Variants in KIF3B observed in about 807,000 individuals in gnomAD.
KIF3B encodes the protein kinesin family member 3B, also known as kinesin-like protein KIF3B.
KIF3B carries 38 observed loss-of-function variants against 74.3 expected under a neutral mutation model. The ratio of observed to expected loss-of-function variants is 0.51; its 90% CI spans 0.39 to 0.67. The LOEUF is 0.67. KIF3B is among the 30% of genes least tolerant of loss of function. The pLI is 0.00. For missense variants in KIF3B, 649 were observed against 932.0 expected (o/e 0.70, Z 3.95); for synonymous variants, 326 against 342.5 (o/e 0.95, Z 0.53).
At chr20:32,316,188 GA>G (rs1312950230) in intron 2 of KIF3B, 29 bp from the exon 3 acceptor site, 5 of 1,236,616 alleles carry the variant, frequency 4.0e-6, no homozygotes. Context: ...AACCGTTCAT[GA>G]GATGGATTCT....
intron 1 of KIF3B, among the ~76,000 whole-genome samples, chr20:32,282,505 G>A (rs2047647669): frequency 6.6e-6 from 1 of 152,130 alleles, no homozygotes; most frequent in Admixed American, 6.5e-5. Context: ...GCAGAAGCTA[G>A]CCAGGTGCAA....
chr20:32,294,742 C>T (rs1323590910), intron 1 of KIF3B, among the ~76,000 whole-genome samples: 1 of 152,196 alleles, frequency 6.6e-6, no homozygotes, highest in East Asian at 1.9e-4. Flanking sequence ...CAAAGCCAGA[C>T]CTGCTGAACA....
At chr20:32,285,669 T>C (rs936275976) in intron 1 of KIF3B, among the ~76,000 whole-genome samples, 4 of 152,168 alleles carry the variant, frequency 2.6e-5, no homozygotes, top group African/African-American at 7.2e-5. Context: ...CATATATATA[T>C]GTAAAATAAA....
In KIF3B at chr20:32,313,622, G is replaced by T. The variant is rs145321995; in HGVS notation, c.1404+2441G>T. 2.6e-5 allele frequency among the ~76,000 whole-genome samples: 4 copies of T among 152,278 alleles called. No individual in the cohort carries two copies. The East Asian group carries it at 7.7e-4, about 29-fold the overall frequency. On this transcript the variant is annotated intron_variant, in intron 2 of 8. Coordinates refer to ENST00000375712, the MANE Select transcript of KIF3B (RefSeq NM_004798.4). ...TTAGGAGGTAACTTTGTTCCAGGGA[G>T]GGGTTCTGAGATGCCATTATGTCAA...
chr20:32,315,552 T>G (rs1236572140), intron 2 of KIF3B, among the ~76,000 whole-genome samples: 3 of 152,032 alleles, frequency 2.0e-5, no homozygotes, highest in Non-Finnish European at 4.4e-5. Context: ...AATCAATCAG[T>G]CAATCAACCA....
intron 1 of KIF3B, among the ~76,000 whole-genome samples, chr20:32,295,634 A>G (rs544997426): frequency 2.6e-4 from 40 of 152,014 alleles, no homozygotes; most frequent in Admixed American, 8.5e-4. Context: ...ACAACAGAAT[A>G]TATTTCATTA....
chr20:32,323,880 A>G (rs1378429957), intron 5 of KIF3B, among the ~76,000 whole-genome samples: 2 of 152,042 alleles, frequency 1.3e-5, no homozygotes, highest in Non-Finnish European at 2.9e-5. Flanking sequence ...CTCCATCTCA[A>G]AAAGTATATA....
chr20:32,291,310 G>A (rs1382239986), intron 1 of KIF3B, among the ~76,000 whole-genome samples: 1 of 151,978 alleles, frequency 6.6e-6, no homozygotes, highest in Non-Finnish European at 1.5e-5. Context: ...ATTGGTTAGA[G>A]GGTGATTTTT....
At chr20:32,325,655 CTTTTTTTTTTTTTTTTTT>C (rs1164604181) in intron 5 of KIF3B, among the ~76,000 whole-genome samples, 2 of 51,104 alleles carry the variant, frequency 3.9e-5, no homozygotes, top group Non-Finnish European at 7.4e-5. Flanking sequence ...CTCTCTCTCT[CTTTTTTTTTTTTTTTTTT>C]TTTTTTTTTT....
chr20:32,329,997 T>C, intron 7 of KIF3B, 144 bp from the exon 8 acceptor site: 1 of 647,362 alleles, frequency 1.5e-6, no homozygotes, highest in Non-Finnish European at 2.5e-6. Flanking sequence ...TAAAACGGCA[T>C]CACTTCTTTC....
At chr20:32,309,633 C>G in intron 1 of KIF3B, 80 bp from the exon 2 acceptor site, 1 of 814,742 alleles carries the variant, frequency 1.2e-6, no homozygotes, top group Non-Finnish European at 1.9e-6. Context: ...AAGATGAAGA[C>G]TATTTAGGTG....
rs926363548 is a variant in KIF3B, at chr20:32,331,612, C to A, written c.*293C>A. 4 of 391,370 alleles carry A rather than the reference C, an allele frequency of 1.0e-5. No homozygotes were observed. Among genetic ancestry groups the A allele is most frequent in the Non-Finnish European group, 1.4e-5 (3 of 219,794 alleles). 24.2% of individuals were successfully genotyped at this position (391,370 alleles called of 1,614,324 possible). Reference sequence around the variant, plus strand: ...TGACCAGTGACCTTGCTTCCTTCCCCCTTGCCTTCTTCTCCCCCTTCCCCT... The same window carrying A: ...TGACCAGTGACCTTGCTTCCTTCCCACTTGCCTTCTTCTCCCCCTTCCCCT... On this transcript the variant is annotated 3_prime_UTR_variant, in exon 9 of 9. Coordinates refer to ENST00000375712, the MANE Select transcript of KIF3B (RefSeq NM_004798.4).
chr20:32,307,714 G>A (rs761306959), intron 1 of KIF3B, among the ~76,000 whole-genome samples: 1 of 151,906 alleles, frequency 6.6e-6, no homozygotes, highest in Non-Finnish European at 1.5e-5. Context: ...GGTGGATCAC[G>A]AGGTCAGAAG....
chr20:32,305,750 A>ATTTTTTT, intron 1 of KIF3B, among the ~76,000 whole-genome samples: 1 of 138,740 alleles, frequency 7.2e-6, no homozygotes, highest in African/African-American at 2.6e-5. Flanking sequence ...AAATTTTTGT[A>ATTTTTTT]TTTTTTTTTT....
In KIF3B at chr20:32,318,735, C is replaced by A. The variant is rs534181602; in HGVS notation, c.1748+1861C>A. Among the ~76,000 whole-genome samples, 13 of 152,280 alleles carry A rather than the reference C, an allele frequency of 8.5e-5. 1 individual carries two copies. In the East Asian group the frequency reaches 2.3e-3, roughly 27 times the overall value. On this transcript the variant is annotated intron_variant, in intron 5 of 8. Coordinates refer to ENST00000375712, the MANE Select transcript of KIF3B (RefSeq NM_004798.4). ...ATTTATTTATTTTTCAGTTTATATA[C>A]ATTCCGATTATTTCTAGTCTTTGGC...
intron 5 of KIF3B, among the ~76,000 whole-genome samples, chr20:32,326,418 G>C (rs1488992273): frequency 6.6e-6 from 1 of 152,120 alleles, no homozygotes; most frequent in Non-Finnish European, 1.5e-5. Context: ...AGATACTTCA[G>C]GTAGCAAATG....
In KIF3B at chr20:32,287,353, G is replaced by A. The variant is rs555115233; in HGVS notation, c.-66+9588G>A. ...TTGTTTATTTTTGAGATAGGGTGTC[G>A]CTCCGTTGCCCAGGCTGGAATACTG... On this transcript the variant is annotated intron_variant, in intron 1 of 8. Coordinates refer to ENST00000375712, the MANE Select transcript of KIF3B (RefSeq NM_004798.4). 1.3e-4 allele frequency among the ~76,000 whole-genome samples: 19 copies of A among 151,438 alleles called. No homozygotes were observed. The South Asian group carries it at 2.7e-3, about 22-fold the overall frequency.
chr20:32,322,266 A>G (rs1433995408), intron 5 of KIF3B, among the ~76,000 whole-genome samples: 1 of 151,984 alleles, frequency 6.6e-6, no homozygotes, highest in African/African-American at 2.4e-5. Flanking sequence ...GTGCTATGGT[A>G]TATGACATTG....
In KIF3B at chr20:32,306,611, G is replaced by A. The variant is rs533847684; in HGVS notation, c.-65-3102G>A. 7.8e-3 allele frequency among the ~76,000 whole-genome samples: 653 copies of A among 83,858 alleles called. 3 individuals are homozygous for A. Among genetic ancestry groups the A allele is most frequent in the Middle Eastern group, 0.013 (1 of 78 alleles). The allele number at this position is 83,858 out of a possible 152,430, so 55.0% of individuals were successfully genotyped here. A position where few individuals can be genotyped will look rare whatever the true frequency, so the allele number is the denominator to read the frequency against. ...TTTTTTTTTTTTTTTTTTTTTTTGA[G>A]ACGGAGTCTCGCTGTGTCACCAGGC... On this transcript the variant is annotated intron_variant, in intron 1 of 8. Coordinates refer to ENST00000375712, the MANE Select transcript of KIF3B (RefSeq NM_004798.4).
Sources: allele counts gnomAD v4.1 joint callset (sites outside exome capture counted in the v4.1 genomes callset), GRCh38; gene constraint gnomAD v4.1.1; transcripts MANE v1.5; gene names NCBI Gene and HGNC (gene_info 2026-07-23, HGNC 2026-07-21).